Variants in BTG3 observed in about 807,000 individuals in gnomAD.
The protein encoded by BTG3 is protein BTG3.
Under a neutral mutation model 25.8 loss-of-function variants are expected in BTG3, and 4 were observed. The observed-to-expected ratio is 0.16, with a 90% CI of 0.08 to 0.36. The LOEUF is 0.36. BTG3 is among the 10% of genes least tolerant of loss of function. The pLI is 1.00. For missense variants in BTG3, 201 were observed against 304.9 expected, an observed-to-expected ratio of 0.66 and a Z score of 2.54; for synonymous variants, 107 against 99.9, an observed-to-expected ratio of 1.07 and a Z score of -0.42.
intron 2 of BTG3, 191 bp downstream of exon 2, chr21:17,608,781 G>A (rs1264300400): frequency 1.4e-5 from 7 of 515,452 alleles, no homozygotes; most frequent in Non-Finnish European, 2.3e-5. Flanking sequence ...TGTCCAGGCA[G>A]TGGGACTCCA....
At chr21:17,605,077 GGTGA>G in intron 2 of BTG3, 80 bp from the exon 3 acceptor site, 1 of 1,462,140 alleles carries the variant, frequency 6.8e-7, no homozygotes, top group Non-Finnish European at 9.3e-7. Context: ...TACTTGCCAA[GGTGA>G]GTAATAAAAT....
Position 17,593,918 on chromosome 21 carries a change from C to T in BTG3, c.*175G>A. On this transcript the variant is annotated 3_prime_UTR_variant, in exon 5 of 5. Transcript: ENST00000348354. Reference sequence around the variant, plus strand: ...AAAATTTCTCAAACTATATCAATATCTAAAGTGCATATATTTTTTAAGAAA... The same window carrying T: ...AAAATTTCTCAAACTATATCAATATTTAAAGTGCATATATTTTTTAAGAAA... 1 of 828,000 alleles carries T rather than the reference C, an allele frequency of 1.2e-6. No homozygotes were observed. The highest frequency in any genetic ancestry group is 1.8e-6 in the Non-Finnish European group (1 of 564,322). 51.3% of individuals were successfully genotyped at this position (828,000 alleles called of 1,614,324 possible).
chr21:17,601,464 T>C (rs2061573512), intron 3 of BTG3, among the ~76,000 whole-genome samples: 1 of 152,026 alleles, frequency 6.6e-6, no homozygotes, highest in Admixed American at 6.6e-5. Flanking sequence ...TTCACAATTA[T>C]AGTGAGCTAT....
At chr21:17,605,053 G>GT in intron 2 of BTG3, 56 bp from the exon 3 acceptor site, 1 of 1,570,822 alleles carries the variant, frequency 6.4e-7, no homozygotes, top group Non-Finnish European at 8.7e-7. Context: ...CATAAACGCC[G>GT]TAATATCTAT....
At chr21:17,612,445 G>GAGGCGGCGTCTTTTTCCTC in intron 1 of BTG3, 1 of 152,224 alleles carries the variant, frequency 6.6e-6, no homozygotes, top group Non-Finnish European at 1.5e-5. Flanking sequence ...CAGGAGCCCT[G>GAGGCGGCGTCTTTTTCCTC]AGGCGGCGTC....
At chr21:17,602,698 G>T (rs774557953) in intron 3 of BTG3, among the ~76,000 whole-genome samples, 1 of 152,100 alleles carries the variant, frequency 6.6e-6, no homozygotes, top group Non-Finnish European at 1.5e-5. Context: ...GAATGAAAAG[G>T]TTTTCTAAGA....
chr21:17,598,510 A>G (rs2061531968), intron 4 of BTG3, 107 bp downstream of exon 4: 2 of 914,862 alleles, frequency 2.2e-6, no homozygotes, highest in Non-Finnish European at 3.3e-6. Flanking sequence ...AAGAACTATT[A>G]TCCAGAATCT....
In BTG3 at chr21:17,599,356, C is replaced by A. The variant is rs576381530; in HGVS notation, c.312-532G>T. The stretch of plus-strand genomic sequence containing the variant: ...CCACCATGCTCAGCTAATTTATATA[C>A]ATTTTTAGAGACAGGGTTTCACCAT... On this transcript the variant is annotated intron_variant, in intron 3 of 4. Transcript: ENST00000348354. Among the ~76,000 whole-genome samples, 20 of 152,088 alleles carry A rather than the reference C, an allele frequency of 1.3e-4. No homozygotes were observed. In the South Asian group the frequency reaches 3.7e-3, roughly 28 times the overall value.
intron 2 of BTG3, among the ~76,000 whole-genome samples, chr21:17,607,532 AT>A (rs1423242385): frequency 1.3e-5 from 2 of 152,222 alleles, no homozygotes; most frequent in Non-Finnish European, 2.9e-5. Context: ...AACTATTTTG[AT>A]TCTCTTCTTG....
At chr21:17,598,574 A>G (rs1464614474) in intron 4 of BTG3, 43 bp downstream of exon 4, 15 of 1,545,038 alleles carry the variant, frequency 9.7e-6, no homozygotes, top group South Asian at 1.1e-5. Flanking sequence ...GGTCCTGGCA[A>G]TCCCTGCACA....
At chr21:17,609,224 T>C in intron 1 of BTG3, 72 bp from the exon 2 acceptor site, 1 of 1,394,800 alleles carries the variant, frequency 7.2e-7, no homozygotes, top group Non-Finnish European at 9.7e-7. Flanking sequence ...CTGTAAGATA[T>C]ACCTCCTTTA....
chr21:17,598,499 C>G, intron 4 of BTG3, 118 bp downstream of exon 4: 1 of 828,958 alleles, frequency 1.2e-6, no homozygotes, highest in Non-Finnish European at 1.8e-6. Flanking sequence ...TGGGGAAAGG[C>G]AAGAACTATT....
chr21:17,598,212 A>T (rs989442050), intron 4 of BTG3, among the ~76,000 whole-genome samples: 2 of 152,132 alleles, frequency 1.3e-5, no homozygotes, highest in Admixed American at 6.5e-5. Flanking sequence ...ATTATAATAT[A>T]ATAAATTTAG....
chr21:17,604,784 A>C, intron 3 of BTG3, 76 bp downstream of exon 3: 4 of 1,473,620 alleles, frequency 2.7e-6, no homozygotes, highest in Non-Finnish European at 3.6e-6. Context: ...ATACACAGGC[A>C]GGCCGTACAT....
rs894417001 is a variant in BTG3 at position 17,612,803 on chromosome 21, G to C, written c.-113C>G. The stretch of plus-strand genomic sequence containing the variant: ...CAACGGGCCCGCGCTGGGCAACAGG[G>C]AGCGCAGCGAGCCTCGTCCGGCGCG... On this transcript the variant is annotated 5_prime_UTR_variant, in exon 1 of 5. Coordinates refer to ENST00000348354, the MANE Select transcript of BTG3 (RefSeq NM_006806.5). 2.0e-5 allele frequency: 3 copies of C among 152,162 alleles called. No individual in the cohort carries two copies. The highest frequency in any genetic ancestry group is 2.9e-5 in the Non-Finnish European group (2 of 68,036). The allele number at this position is 152,162 out of a possible 1,614,324, so 9.4% of individuals were successfully genotyped here. A position where few individuals can be genotyped will look rare whatever the true frequency, so the allele number is the denominator to read the frequency against.
chr21:17,600,805 A>G (rs1020968464), intron 3 of BTG3, among the ~76,000 whole-genome samples: 1 of 152,232 alleles, frequency 6.6e-6, no homozygotes, highest in Non-Finnish European at 1.5e-5. Flanking sequence ...AAATGAAACT[A>G]TAAATACTAC....
intron 1 of BTG3, chr21:17,612,018 G>T (rs927177977): frequency 1.3e-5 from 2 of 152,398 alleles, no homozygotes; most frequent in African/African-American, 2.4e-5. Context: ...TTTTCCAAGG[G>T]GCTAAGAGTT....
At chr21:17,597,239 T>C (rs1481757577) in intron 4 of BTG3, among the ~76,000 whole-genome samples, 1 of 152,094 alleles carries the variant, frequency 6.6e-6, no homozygotes, top group African/African-American at 2.4e-5. Context: ...TTAATTTGCT[T>C]GTAAAAAATT....
At chr21:17,609,639 C>T (rs947990253) in intron 1 of BTG3, among the ~76,000 whole-genome samples, 13 of 152,238 alleles carry the variant, frequency 8.5e-5, no homozygotes, top group African/African-American at 2.9e-4. Context: ...ACAGAGTTAT[C>T]ATATGACACG....
Sources: allele counts gnomAD v4.1 joint callset (sites outside exome capture counted in the v4.1 genomes callset), GRCh38; gene constraint gnomAD v4.1.1; transcripts MANE v1.5; gene names NCBI Gene and HGNC (gene_info 2026-07-23, HGNC 2026-07-21).